PLD3: variants seen among roughly 807,000 people sequenced by gnomAD.
PLD3 encodes the protein 5'-3' exonuclease PLD3.
PLD3 carries 31 observed loss-of-function variants against 58.4 expected under a neutral mutation model. The ratio of observed to expected loss-of-function variants is 0.53; its 90% CI spans 0.40 to 0.72. The LOEUF (loss-of-function observed/expected upper bound fraction) is 0.72, where lower values mean the gene tolerates loss of function less well. Ranked by LOEUF, PLD3 falls within the 30% of genes least tolerant of loss-of-function variation. The pLI is 0.00. For missense variants in PLD3, 595 were observed against 659.8 expected (o/e 0.90, Z 1.08); for synonymous variants, 264 against 273.4 (o/e 0.97, Z 0.34).
intron 5 of PLD3, 164 bp downstream of exon 5, chr19:40,367,079 T>A: frequency 1.5e-6 from 1 of 670,578 alleles, no homozygotes; most frequent in Non-Finnish European, 2.4e-6. Flanking sequence ...TCCACACACA[T>A]AGTTTCTATG....
chr19:40,349,165 T>G (rs960641010), intron 1 of PLD3, among the ~76,000 whole-genome samples: 1 of 152,118 alleles, frequency 6.6e-6, no homozygotes, highest in African/African-American at 2.4e-5. Flanking sequence ...CATTTCTCCT[T>G]TATAAAATCC....
intron 1 of PLD3, chr19:40,356,867 G>A (rs1262976306): frequency 1.3e-5 from 2 of 152,196 alleles, no homozygotes; most frequent in East Asian, 3.9e-4. Flanking sequence ...TTGTCCTGGG[G>A]GCAATGGGGA....
chr19:40,371,444 G>A, intron 8 of PLD3: 1 of 559,640 alleles, frequency 1.8e-6, no homozygotes, highest in South Asian at 2.2e-5. Context: ...TAGCTCAGTG[G>A]AGGGTAGAAG....
intron 10 of PLD3, among the ~76,000 whole-genome samples, chr19:40,376,058 G>GA (rs1332300081): frequency 2.6e-5 from 4 of 151,048 alleles, no homozygotes; most frequent in Admixed American, 6.6e-5. Context: ...GTCTCAAAAA[G>GA]AAAAAAAAGA....
chr19:40,353,831 G>C (rs2078581562), intron 1 of PLD3, among the ~76,000 whole-genome samples: 1 of 151,896 alleles, frequency 6.6e-6, no homozygotes, highest in African/African-American at 2.4e-5. Flanking sequence ...GCCCGCCTTG[G>C]CCTCCCAAAG....
intron 1 of PLD3, chr19:40,356,789 T>C (rs1283178105): frequency 1.3e-5 from 2 of 152,122 alleles, no homozygotes; most frequent in African/African-American, 4.8e-5. Context: ...GAAGCTGTAA[T>C]GATGGGGGAA....
In PLD3 at chr19:40,378,398, G is replaced by A. The variant is rs559168775; in HGVS notation, c.*225G>A. ...GATCAGCCCCCAAAGAAATGGGGGT[G>A]CATGCTGGGCCTGGCCCCCTGGCCC... On this transcript the variant is annotated 3_prime_UTR_variant, in exon 13 of 13. Transcript: ENST00000409735. 5.8e-5 allele frequency: 37 copies of A among 642,798 alleles called. No individual in the cohort carries two copies. The East Asian group carries it at 7.5e-4, about 13-fold the overall frequency. The allele number at this position is 642,798 out of a possible 1,614,324, so 39.8% of individuals were successfully genotyped here. A position where few individuals can be genotyped will look rare whatever the true frequency, so the allele number is the denominator to read the frequency against.
intron 6 of PLD3, among the ~76,000 whole-genome samples, chr19:40,369,528 A>AC (rs1237865392): frequency 6.6e-6 from 1 of 152,132 alleles, no homozygotes; most frequent in East Asian, 1.9e-4. Flanking sequence ...GGCATCCTTG[A>AC]CTGTTGCTGT....
chr19:40,366,741 C>T (rs370511682), intron 4 of PLD3, 32 bp from the exon 5 acceptor site: 5 of 1,613,782 alleles, frequency 3.1e-6, no homozygotes, highest in East Asian at 4.5e-5. Context: ...CTGCCCCCCT[C>T]GGGCTGGCTG....
chr19:40,360,314 T>G (rs1439505375), intron 1 of PLD3: 2 of 152,424 alleles, frequency 1.3e-5, no homozygotes, highest in Non-Finnish European at 2.9e-5. Flanking sequence ...GTCTGGATGC[T>G]CCCAGCAGCC....
chr19:40,367,051 T>C (rs1420196255), intron 5 of PLD3, 136 bp downstream of exon 5: 5 of 921,084 alleles, frequency 5.4e-6, no homozygotes, highest in Non-Finnish European at 8.0e-6. Flanking sequence ...TCCCAAGTGC[T>C]CGCCCGCCCC....
intron 1 of PLD3, among the ~76,000 whole-genome samples, chr19:40,354,872 C>T (rs1456469259): frequency 6.6e-6 from 1 of 151,240 alleles, no homozygotes; most frequent in Non-Finnish European, 1.5e-5. Flanking sequence ...GAGTCTCACT[C>T]TGTCGCCCAG....
intron 5 of PLD3, 82 bp downstream of exon 5, chr19:40,366,997 C>T (rs1006294512): frequency 3.4e-6 from 5 of 1,451,590 alleles, no homozygotes; most frequent in Non-Finnish European, 3.7e-6. Context: ...AGGGCCTGCA[C>T]TCAGCCCTAC....
intron 1 of PLD3, among the ~76,000 whole-genome samples, chr19:40,362,610 T>C (rs556596181): frequency 1.3e-5 from 2 of 152,034 alleles, no homozygotes; most frequent in Non-Finnish European, 2.9e-5. Context: ...TAATTTTCTT[T>C]CATTTGTTGT....
At chr19:40,366,052 C>G (rs2078913293) in intron 2 of PLD3, 122 bp downstream of exon 2, 3 of 228,212 alleles carry the variant, frequency 1.3e-5, no homozygotes, top group Admixed American at 1.1e-4. Flanking sequence ...TAGAATATAC[C>G]CCCTGTCCCA....
rs1343544606 is a variant in PLD3, at chr19:40,365,722, G to C, written c.-274G>C. On this transcript the variant is annotated 5_prime_UTR_variant, in exon 2 of 13. Transcript: ENST00000409735. ...ACTACCCCCCAACCCGGCCAGGCTG[G>C]AGCGACCGTGTCTGGGGAGCCGAGC... 1 of 152,598 alleles carries C rather than the reference G, an allele frequency of 6.6e-6. No individual in the cohort carries two copies. Among genetic ancestry groups the C allele is most frequent in the East Asian group, 1.9e-4 (1 of 5,210 alleles). 9.5% of individuals were successfully genotyped at this position (152,598 alleles called of 1,614,324 possible).
chr19:40,367,975 G>A (rs2078971440), intron 6 of PLD3, 96 bp downstream of exon 6: 2 of 1,059,200 alleles, frequency 1.9e-6, no homozygotes, highest in South Asian at 3.1e-5. Context: ...CAGCCCAGGA[G>A]ACAGAGGGGT....
At chr19:40,349,120 A>G (rs578080909) in intron 1 of PLD3, among the ~76,000 whole-genome samples, 9 of 152,016 alleles carry the variant, frequency 5.9e-5, no homozygotes, top group Non-Finnish European at 1.3e-4. Flanking sequence ...TAAATTCGTC[A>G]TCGCCATATG....
chr19:40,363,336 A>G (rs2078833040), intron 1 of PLD3, among the ~76,000 whole-genome samples: 1 of 144,626 alleles, frequency 6.9e-6, no homozygotes, highest in South Asian at 2.1e-4. Context: ...ACCGCCTCTA[A>G]GACTGATGTT....
Sources: allele counts gnomAD v4.1 joint callset (sites outside exome capture counted in the v4.1 genomes callset), GRCh38; gene constraint gnomAD v4.1.1; transcripts MANE v1.5; gene names NCBI Gene and HGNC (gene_info 2026-07-23, HGNC 2026-07-21).